The following MFHAS1 variants were observed in gnomAD, a reference collection of about 807,000 sequenced individuals.
MFHAS1 encodes the protein multifunctional ROCO family signaling regulator 1, also known as malignant fibrous histiocytoma-amplified sequence 1.
Under a neutral mutation model 70.4 loss-of-function variants are expected in MFHAS1, and 50 were observed. That is an observed-to-expected ratio of 0.71 (90% CI 0.57 to 0.90). MFHAS1 has a LOEUF of 0.90. Among genes scored for constraint, MFHAS1 ranks in the 40% least tolerant of loss-of-function variants. The pLI, the probability that MFHAS1 is intolerant of heterozygous loss-of-function variation, is 0.00. For missense variants in MFHAS1, 1,795 were observed against 1,347.6 expected, an observed-to-expected ratio of 1.33 and a Z score of -5.20; for synonymous variants, 952 against 620.0, an observed-to-expected ratio of 1.54 and a Z score of -7.96.
chr8:8,801,712 T>C (rs1806089560), intron 1 of MFHAS1, among the ~76,000 whole-genome samples: 1 of 152,206 alleles, frequency 6.6e-6, no homozygotes, highest in African/African-American at 2.4e-5. Context: ...TAACTAACTA[T>C]TGAGACCTTA....
chr8:8,847,825 G>C (rs1485695641), intron 1 of MFHAS1, among the ~76,000 whole-genome samples: 1 of 152,152 alleles, frequency 6.6e-6, no homozygotes, highest in Non-Finnish European at 1.5e-5. Flanking sequence ...CATTCATTAA[G>C]GGATGCTCAG....
rs751100316 is a variant in MFHAS1 at position 8,890,626 on chromosome 8, G to T, written c.2433C>A (p.Val811=). 6.2e-7 allele frequency: 1 copy of T among 1,613,878 alleles called. No homozygotes were observed. Among genetic ancestry groups the T allele is most frequent in the Non-Finnish European group, 8.5e-7 (1 of 1,179,970 alleles). The change falls in exon 1 of 3, where the codon GTC becomes GTA. Residue 811 remains valine, a synonymous_variant. Transcript: ENST00000276282. ...ACAGCTGCAAGTCCTGCTGGGCCTGGACATGAGGCTTAAGCAGCAACCGAA... is the reference window on the plus strand; with the variant it reads ...ACAGCTGCAAGTCCTGCTGGGCCTGTACATGAGGCTTAAGCAGCAACCGAA... ...HVIRLLLKPH[V]QAQQDLQLLL...
chr8:8,807,888 G>C (rs895934671), intron 1 of MFHAS1, among the ~76,000 whole-genome samples: 1 of 152,176 alleles, frequency 6.6e-6, no homozygotes, highest in Non-Finnish European at 1.5e-5. Flanking sequence ...ACTATATATA[G>C]TGATATATTT....
chr8:8,892,847 C>T lies in MFHAS1; in HGVS notation c.212G>A (p.Gly71Glu). The change falls in exon 1 of 3, where the codon GGG (glycine) becomes GAG (glutamate). Residue 71 changes from glycine to glutamate, a missense_variant. By Grantham distance (98) the Gly-to-Glu change is moderately conservative (BLOSUM62 -2). Coordinates refer to ENST00000276282, the MANE Select transcript of MFHAS1 (RefSeq NM_004225.3). The surrounding 1 kb of genome is among the most constrained non-coding windows in gnomAD (Gnocchi z 4.7). ...NLGDIEALNL[G>E]NNGLEEVPEG... ...GGGTACCTCCTCCAGGCCGTTGTTC[C>T]CCAGGTTCAGTGCCTCAATGTCCCC... The T allele has an allele frequency of 6.3e-7, 1 of 1,597,646 alleles. No homozygotes were observed. Among genetic ancestry groups the T allele is most frequent in the Non-Finnish European group, 8.5e-7 (1 of 1,172,728 alleles).
intron 1 of MFHAS1, among the ~76,000 whole-genome samples, chr8:8,826,318 C>T (rs1462794374): frequency 1.3e-5 from 2 of 151,636 alleles, no homozygotes; most frequent in Non-Finnish European, 2.9e-5. Context: ...TCCTCTTCTT[C>T]CATATTCACA....
rs763484243 is a variant in MFHAS1 at position 8,891,426 on chromosome 8, G to C, written c.1633C>G (p.Arg545Gly). 1.9e-6 allele frequency: 3 copies of C among 1,612,786 alleles called. No individual in the cohort carries two copies. Among genetic ancestry groups the C allele is most frequent in the Non-Finnish European group, 2.5e-6 (3 of 1,180,026 alleles). ...VGTHADLCGE[R>G]ELEEKCLDIH... ...TCCAGACATTTCTCCTCCAGCTCACGCTCTCCGCACAGGTCTGCGTGGGTG... is the reference window on the plus strand; with the variant it reads ...TCCAGACATTTCTCCTCCAGCTCACCCTCTCCGCACAGGTCTGCGTGGGTG... The change falls in exon 1 of 3, where the codon CGT becomes GGT. Residue 545 changes from arginine (R) to glycine (G), a missense_variant. Physicochemically the swap from Arg to Gly is moderately radical, Grantham distance 125 (BLOSUM62 -2). Coordinates refer to ENST00000276282, the MANE Select transcript of MFHAS1 (RefSeq NM_004225.3). The surrounding 1 kb of genome is among the most constrained non-coding windows in gnomAD (Gnocchi z 5.4).
intron 1 of MFHAS1, among the ~76,000 whole-genome samples, chr8:8,866,239 T>A (rs899796242): frequency 6.6e-6 from 1 of 152,068 alleles, no homozygotes; most frequent in African/African-American, 2.4e-5. Context: ...CCCTGTTTTA[T>A]CAGACGATAA....
At chr8:8,850,403 A>C (rs1389083175) in intron 1 of MFHAS1, among the ~76,000 whole-genome samples, 1 of 152,238 alleles carries the variant, frequency 6.6e-6, no homozygotes, top group Non-Finnish European at 1.5e-5. Flanking sequence ...TGTGGTGCTA[A>C]TATTTTCCTA....
intron 1 of MFHAS1, among the ~76,000 whole-genome samples, chr8:8,860,335 TA>T (rs1363087586): frequency 1.3e-5 from 2 of 152,192 alleles, no homozygotes; most frequent in Non-Finnish European, 2.9e-5. Context: ...CCATTCCATG[TA>T]AAAATAACAA....
At chr8:8,815,618 T>G (rs1806712625) in intron 1 of MFHAS1, among the ~76,000 whole-genome samples, 1 of 152,216 alleles carries the variant, frequency 6.6e-6, no homozygotes, top group Admixed American at 6.5e-5. Flanking sequence ...TAATGACCAG[T>G]GATGTTGAGC....
At position 8,786,001 on chromosome 8, in the gene MFHAS1, G is replaced by A. The variant is rs747578159; in HGVS notation, c.*21C>T. ...GTTCAGATGCTCTCTTTTCTCCATG[G>A]AAATTCCACAGCCACAAACGTCACT... On this transcript the variant is annotated 3_prime_UTR_variant, in exon 3 of 3. Coordinates refer to ENST00000276282, the MANE Select transcript of MFHAS1 (RefSeq NM_004225.3). 5.6e-6 allele frequency: 9 copies of A among 1,613,656 alleles called. No individual in the cohort carries two copies. In the African/African-American group the frequency reaches 1.1e-4, roughly 19 times the overall value.
chr8:8,852,995 C>T (rs1327686507), intron 1 of MFHAS1, among the ~76,000 whole-genome samples: 1 of 152,052 alleles, frequency 6.6e-6, no homozygotes, highest in Non-Finnish European at 1.5e-5. Context: ...GGAAGGTGGC[C>T]TAAAAAACCC....
intron 1 of MFHAS1, among the ~76,000 whole-genome samples, chr8:8,873,804 T>C (rs565221188): frequency 7.9e-5 from 12 of 152,340 alleles, no homozygotes; most frequent in African/African-American, 2.9e-4. Context: ...TACAGTTCGT[T>C]CTTAATTATA....
Position 8,783,488 on chromosome 8 carries a change from AC to A in MFHAS1, c.*2533del, listed in dbSNP as rs1805430665. 1 of 152,198 alleles carries A rather than the reference AC, an allele frequency of 6.6e-6. No individual in the cohort carries two copies. Among genetic ancestry groups the A allele is most frequent in the African/African-American group, 2.4e-5 (1 of 41,450 alleles). 9.4% of individuals were successfully genotyped at this position (152,198 alleles called of 1,614,324 possible). On this transcript the variant is annotated 3_prime_UTR_variant, in exon 3 of 3. Transcript: ENST00000276282. ...CAACACGCACCCCATCAGGAATTAC[AC>A]CAAACCCCTTTTCCTTTTTATTCAT...
At chr8:8,887,184 A>C (rs1311109176) in intron 1 of MFHAS1, among the ~76,000 whole-genome samples, 1 of 152,178 alleles carries the variant, frequency 6.6e-6, no homozygotes, top group Non-Finnish European at 1.5e-5. Flanking sequence ...ATAGATTCAA[A>C]GGGTTTCTGC....
chr8:8,856,750 T>A (rs1046112221), intron 1 of MFHAS1, among the ~76,000 whole-genome samples: 2 of 151,984 alleles, frequency 1.3e-5, no homozygotes, highest in Admixed American at 6.6e-5. Flanking sequence ...CAGACCCCCA[T>A]GATGTCTGGT....
chr8:8,881,815 C>CAA (rs35891401), intron 1 of MFHAS1, among the ~76,000 whole-genome samples: 79 of 59,354 alleles, frequency 1.3e-3, no homozygotes, highest in East Asian at 6.8e-3. Context: ...GACTCCGTCT[C>CAA]AAAAAAAAAA....
intron 2 of MFHAS1, among the ~76,000 whole-genome samples, chr8:8,787,726 G>A (rs1289868993): frequency 6.6e-6 from 1 of 152,174 alleles, no homozygotes; most frequent in African/African-American, 2.4e-5. Flanking sequence ...TGAGTTTTGG[G>A]TTCACGTGGG....
At chr8:8,846,498 T>C (rs1474963864) in intron 1 of MFHAS1, among the ~76,000 whole-genome samples, 2 of 152,092 alleles carry the variant, frequency 1.3e-5, no homozygotes, top group African/African-American at 2.4e-5. Context: ...CCCTTACCTA[T>C]TCACCACACA....
Sources: allele counts gnomAD v4.1 joint callset (sites outside exome capture counted in the v4.1 genomes callset), GRCh38; gene constraint gnomAD v4.1.1; non-coding constraint Gnocchi (gnomAD v3.1); transcripts MANE v1.5; gene names NCBI Gene and HGNC (gene_info 2026-07-23, HGNC 2026-07-21).